Variants in SPAG17 observed in about 807,000 individuals in gnomAD.
SPAG17 encodes sperm associated antigen 17.
SPAG17 carries 169 observed loss-of-function variants against 273.6 expected under a neutral mutation model. That is an observed-to-expected ratio of 0.62 (90% CI 0.55 to 0.70). The LOEUF (loss-of-function observed/expected upper bound fraction) is 0.70, where lower values mean the gene tolerates loss of function less well. Among genes scored for constraint, SPAG17 ranks in the 30% least tolerant of loss-of-function variants. SPAG17 has a pLI of 0.00. For missense variants in SPAG17, 2,557 were observed against 2,627.8 expected (o/e 0.97, Z 0.59); for synonymous variants, 825 against 873.2 (o/e 0.94, Z 0.97).
chr1:118,009,646 G>A (rs1361895591), intron 30 of SPAG17, among the ~76,000 whole-genome samples: 1 of 152,094 alleles, frequency 6.6e-6, no homozygotes, highest in Non-Finnish European at 1.5e-5. Flanking sequence ...TAGTATCTAG[G>A]ACAGATGAAT....
intron 1 of SPAG17, among the ~76,000 whole-genome samples, chr1:118,175,488 A>C (rs1272130626): frequency 1.3e-5 from 2 of 151,956 alleles, no homozygotes; most frequent in African/African-American, 4.8e-5. Flanking sequence ...AGCAAATAAC[A>C]TATAAGAGTT....
chr1:117,983,955 GA>G (rs1656121162), intron 41 of SPAG17, 42 bp from the exon 42 acceptor site: 4 of 973,284 alleles, frequency 4.1e-6, no homozygotes, highest in Non-Finnish European at 3.2e-6. Flanking sequence ...ATACATGGCT[GA>G]AATTCAACTG....
chr1:118,132,162 A>G (rs1658088769), intron 3 of SPAG17, among the ~76,000 whole-genome samples: 1 of 152,166 alleles, frequency 6.6e-6, no homozygotes, highest in Non-Finnish European at 1.5e-5. Flanking sequence ...GAGTCAGCAA[A>G]GGCTCCCTGC....
chr1:118,159,983 A>G (rs982667955), intron 1 of SPAG17, among the ~76,000 whole-genome samples: 1 of 152,196 alleles, frequency 6.6e-6, no homozygotes, highest in Non-Finnish European at 1.5e-5. Flanking sequence ...ACTTCAGAAC[A>G]TAAAAAGTAA....
intron 3 of SPAG17, among the ~76,000 whole-genome samples, chr1:118,130,297 T>C (rs1379169631): frequency 3.3e-5 from 5 of 152,140 alleles, no homozygotes; most frequent in Admixed American, 6.5e-5. Flanking sequence ...GTTAAAGATA[T>C]GGGTTACCTG....
chr1:118,098,312 C>T (rs1338192848), intron 6 of SPAG17, among the ~76,000 whole-genome samples: 1 of 151,998 alleles, frequency 6.6e-6, no homozygotes, highest in Non-Finnish European at 1.5e-5. Context: ...GTTTCAGTTA[C>T]CTTTTGGTCA....
At chr1:118,163,482 T>C (rs528993145) in intron 1 of SPAG17, among the ~76,000 whole-genome samples, 1 of 151,966 alleles carries the variant, frequency 6.6e-6, no homozygotes, top group African/African-American at 2.4e-5. Context: ...CATCCTTCAC[T>C]GGCCCCAAGA....
At chr1:118,017,983 A>T (rs879571794) in intron 28 of SPAG17, among the ~76,000 whole-genome samples, 56 of 152,208 alleles carry the variant, frequency 3.7e-4, no homozygotes, top group Admixed American at 1.8e-3. Context: ...CTGCTAGAAA[A>T]CATCTTTAAA....
chr1:118,032,028 G>A (rs1407347547), intron 24 of SPAG17, among the ~76,000 whole-genome samples, 161 bp from the exon 25 acceptor site: 1 of 152,120 alleles, frequency 6.6e-6, no homozygotes, highest in Non-Finnish European at 1.5e-5. Context: ...AATGAAGTTG[G>A]TTTACAAATC....
intron 5 of SPAG17, among the ~76,000 whole-genome samples, chr1:118,101,308 A>C (rs1484916641): frequency 2.6e-5 from 4 of 152,122 alleles, no homozygotes; most frequent in African/African-American, 9.7e-5. Context: ...ATTCCCAGCT[A>C]CTGGGGAGGC....
chr1:118,042,063 T>C (rs201497412), intron 20 of SPAG17, 21 bp from the exon 21 acceptor site: 18 of 1,590,062 alleles, frequency 1.1e-5, no homozygotes, highest in Middle Eastern at 1.7e-4. Context: ...ATTTAAGAAA[T>C]TTAACAGGAT....
intron 3 of SPAG17, among the ~76,000 whole-genome samples, chr1:118,127,150 C>G (rs116190758): frequency 6.6e-6 from 1 of 152,040 alleles, no homozygotes; most frequent in African/African-American, 2.4e-5. Flanking sequence ...TGCTTAGTAT[C>G]GCTTTAGAGA....
rs540393052 is a variant in SPAG17, at chr1:118,088,510, T to A, written c.1360-1502A>T. Among the ~76,000 whole-genome samples, 3 of 152,282 alleles carry A rather than the reference T, an allele frequency of 2.0e-5. No individual in the cohort carries two copies. In the East Asian group the frequency reaches 5.8e-4, roughly 29 times the overall value. On this transcript the variant is annotated intron_variant, in intron 10 of 48. Transcript: ENST00000336338. ...TCATGGAGCAATTAAAGGCAAATAT[T>A]AGTGTGATTATCTAATTGGTTAGAA...
At chr1:118,027,551 C>T (rs1050049355) in intron 26 of SPAG17, among the ~76,000 whole-genome samples, 2 of 152,098 alleles carry the variant, frequency 1.3e-5, no homozygotes, top group African/African-American at 2.4e-5. Context: ...ACACATCATT[C>T]GTTGGTGTCA....
At chr1:118,117,056 C>A (rs1657129940) in intron 3 of SPAG17, among the ~76,000 whole-genome samples, 1 of 152,158 alleles carries the variant, frequency 6.6e-6, no homozygotes. Flanking sequence ...TGGGTCCAAC[C>A]CCAAGAGTAG....
chr1:118,085,832 A>G (rs1323294568), intron 13 of SPAG17, 90 bp downstream of exon 13: 1 of 1,310,048 alleles, frequency 7.6e-7, no homozygotes, highest in African/African-American at 1.5e-5. Flanking sequence ...AATAATGAAA[A>G]TACTTTTTGT....
chr1:117,998,802 A>AT (rs1657947938), intron 32 of SPAG17, among the ~76,000 whole-genome samples: 1 of 151,700 alleles, frequency 6.6e-6, no homozygotes, highest in Admixed American at 6.6e-5. Flanking sequence ...TAGGTATTTT[A>AT]TTTTTTGGTG....
At chr1:118,160,573 C>A (rs1659860748) in intron 1 of SPAG17, among the ~76,000 whole-genome samples, 1 of 152,210 alleles carries the variant, frequency 6.6e-6, no homozygotes, top group Admixed American at 6.5e-5. Flanking sequence ...TTGTTTACTA[C>A]AAAGCCATGG....
intron 3 of SPAG17, among the ~76,000 whole-genome samples, chr1:118,148,309 T>C (rs1435165875): frequency 2.0e-5 from 3 of 152,184 alleles, no homozygotes; most frequent in Admixed American, 6.5e-5. Context: ...CTCTTAAAGT[T>C]GGTGCAGATC....
Sources: allele counts gnomAD v4.1 joint callset (sites outside exome capture counted in the v4.1 genomes callset), GRCh38; gene constraint gnomAD v4.1.1; transcripts MANE v1.5; gene names NCBI Gene and HGNC (gene_info 2026-07-23, HGNC 2026-07-21).